The following BBS2 variants were observed in gnomAD, a reference collection of about 807,000 sequenced individuals.
BBS2 encodes the protein Bardet-Biedl syndrome 2.
BBS2 carries 62 observed loss-of-function variants against 83.0 expected under a neutral mutation model. The ratio of observed to expected loss-of-function variants is 0.75; its 90% CI spans 0.61 to 0.92. The LOEUF is 0.92. Ranked by LOEUF, BBS2 falls within the 40% of genes least tolerant of loss-of-function variation. The pLI is 0.00. For missense variants in BBS2, 784 were observed against 901.0 expected, an observed-to-expected ratio of 0.87 and a Z score of 1.66; for synonymous variants, 303 against 326.1, an observed-to-expected ratio of 0.93 and a Z score of 0.76.
chr16:56,482,493 T>C (rs796442270), downstream of BBS2, among the ~76,000 whole-genome samples: 30 of 152,280 alleles, frequency 2.0e-4, 1 homozygote, highest in African/African-American at 6.7e-4. Context: ...ACTTTGGAGA[T>C]TGAAAATAAT....
intron 1 of BBS2, 61 bp downstream of exon 1, chr16:56,519,685 C>T: frequency 7.2e-7 from 1 of 1,392,516 alleles, no homozygotes; most frequent in Non-Finnish European, 1.0e-6. Flanking sequence ...CCCAGGGGCG[C>T]GGCCGGCGGA....
intron 11 of BBS2, 128 bp from the exon 12 acceptor site, chr16:56,500,035 C>T: frequency 1.8e-6 from 2 of 1,111,852 alleles, no homozygotes; most frequent in Non-Finnish European, 1.4e-6. Context: ...TAAGAAGGAA[C>T]CCCCAAAACA....
At chr16:56,503,750 T>G (rs1228410808) in intron 7 of BBS2, among the ~76,000 whole-genome samples, 1 of 152,186 alleles carries the variant, frequency 6.6e-6, no homozygotes, top group African/African-American at 2.4e-5. Context: ...AAACCCTGTC[T>G]GTACTAAAAA....
At position 56,502,490 on chromosome 16, in the gene BBS2, G is replaced by A. The variant is rs138535876; in HGVS notation, c.941-34C>T. 2.5e-6 allele frequency: 4 copies of A among 1,613,938 alleles called. No homozygotes were observed. In the African/African-American group the frequency reaches 4.0e-5, roughly 16 times the overall value. ...AAGGAAAAAACCGCAAGTATAACCAGGTATACTTTTAGGTCATCAATTACC... is the reference window on the plus strand; with the variant it reads ...AAGGAAAAAACCGCAAGTATAACCAAGTATACTTTTAGGTCATCAATTACC... On this transcript the variant is annotated intron_variant, in intron 8 of 16. Coordinates refer to ENST00000245157, the MANE Select transcript of BBS2 (RefSeq NM_031885.5).
intron 17 of BBS2, among the ~76,000 whole-genome samples, chr16:56,471,406 G>A (rs1433365172): frequency 2.0e-5 from 3 of 151,718 alleles, no homozygotes; most frequent in African/African-American, 4.8e-5. Context: ...CCTCTTAGGC[G>A]AATAGATGAT....
At position 56,515,824 on chromosome 16, in the gene BBS2, C is replaced by G. The variant is rs571479718; in HGVS notation, c.118-1144G>C. Among the ~76,000 whole-genome samples the G allele has an allele frequency of 3.3e-5, 5 of 152,310 alleles. No individual in the cohort carries two copies. The East Asian group carries it at 9.6e-4, about 29-fold the overall frequency. ...TAATTGCATTTGAACCTGACACCAA[C>G]CCTTCATTTCCATATGAGGTCGGAA... is the stretch of plus-strand genomic sequence containing the variant. On this transcript the variant is annotated intron_variant, in intron 1 of 16. Coordinates refer to ENST00000245157, the MANE Select transcript of BBS2 (RefSeq NM_031885.5).
chr16:56,498,516 T>C lies in BBS2; in HGVS notation c.1580A>G (p.Gln527Arg), dbSNP rs1406099162. ...NFLLPEDTHI[Q>R]NAPFQVCFTS... is the part of the protein sequence containing the mutation. ...GAAACACACTTGAAATGGAGCATTC[T>C]GAATGTGAGTGTCTTCTGGTAACAG... Residue 527 changes from glutamine to arginine, a missense_variant, in exon 13 of 17, where the codon CAG (glutamine) becomes CGG (arginine). By Grantham distance (43) the Gln-to-Arg change is conservative. Coordinates refer to ENST00000245157, the MANE Select transcript of BBS2 (RefSeq NM_031885.5). The C allele has an allele frequency of 6.2e-7, 1 of 1,614,146 alleles. No individual in the cohort carries two copies. Among genetic ancestry groups the C allele is most frequent in the Non-Finnish European group, 8.5e-7 (1 of 1,180,016 alleles).
chr16:56,501,293 AAAG>A, intron 10 of BBS2, 57 bp downstream of exon 10: 4 of 1,605,638 alleles, frequency 2.5e-6, no homozygotes, highest in Non-Finnish European at 2.6e-6. Flanking sequence ...AAAAAAAAAA[AAAG>A]AATGACTCCA....
intron 11 of BBS2, 171 bp from the exon 12 acceptor site, chr16:56,500,078 G>A: frequency 1.4e-6 from 1 of 695,146 alleles, no homozygotes; most frequent in Non-Finnish European, 2.4e-6. Context: ...TAATATATTA[G>A]GTTTGGGATT....
In BBS2 at chr16:56,498,452, TA is replaced by T; in HGVS notation, c.1643del (p.Ile548LysfsTer9). On this transcript the variant is annotated frameshift_variant, in exon 13 of 17. Transcript: ENST00000245157. LOFTEE classifies it high-confidence loss of function. Reference protein sequence around the residue: ...LRNGGHLHIKIKLSGEITINT... With the variant: ...LRNGGHLHIKXKLSGEITINT... ...TAAACATTACCTCTCCACTAAGTTT[TA>T]TTTTTATATGCAGGTGGCCGCCATT... is the stretch of plus-strand genomic sequence containing the variant. The T allele has an allele frequency of 6.2e-7, 1 of 1,614,052 alleles. No homozygotes were observed. The highest frequency in any genetic ancestry group is 8.5e-7 in the Non-Finnish European group (1 of 1,179,996).
chr16:56,504,040 G>A (rs549936830), intron 7 of BBS2, among the ~76,000 whole-genome samples: 2 of 152,050 alleles, frequency 1.3e-5, no homozygotes, highest in Non-Finnish European at 2.9e-5. Context: ...CACTAGTTTT[G>A]TCTTTTCATA....
intron 17 of BBS2, chr16:56,476,775 T>G (rs1466950360): frequency 6.6e-6 from 1 of 152,328 alleles, no homozygotes; most frequent in African/African-American, 2.4e-5. Flanking sequence ...CTGGTTTCAC[T>G]TAGCATAAAG....
intron 6 of BBS2, 42 bp from the exon 7 acceptor site, chr16:56,506,078 A>T: frequency 4.3e-6 from 7 of 1,609,900 alleles, no homozygotes; most frequent in Non-Finnish European, 6.0e-6. Flanking sequence ...GTCTCACAAT[A>T]ACTATCAAGC....
intron 17 of BBS2, chr16:56,476,052 A>G: frequency 3.1e-6 from 5 of 1,610,762 alleles, no homozygotes; most frequent in Non-Finnish European, 4.2e-6. Context: ...AGCTGCTAAC[A>G]GTGAATCCAG....
At chr16:56,506,691 T>C (rs1223543179) in intron 5 of BBS2, among the ~76,000 whole-genome samples, 1 of 152,216 alleles carries the variant, frequency 6.6e-6, no homozygotes, top group Non-Finnish European at 1.5e-5. Flanking sequence ...GTATACACTT[T>C]TCTTTCTATG....
downstream of BBS2, among the ~76,000 whole-genome samples, chr16:56,479,806 C>T (rs1294668215): frequency 1.3e-5 from 2 of 152,258 alleles, no homozygotes; most frequent in Admixed American, 6.5e-5. Context: ...GATGGATCTT[C>T]CTTCAGCTCC....
At chr16:56,470,855 A>AT (rs774840763) in intron 17 of BBS2, 34 of 1,430,784 alleles carry the variant, frequency 2.4e-5, no homozygotes, top group Non-Finnish European at 2.9e-5. Context: ...ACATGTATTC[A>AT]TTCAACAAAC....
At chr16:56,506,084 C>G in intron 6 of BBS2, 36 bp downstream of exon 6, 2 of 1,609,270 alleles carry the variant, frequency 1.2e-6, no homozygotes, top group Non-Finnish European at 1.7e-6. Context: ...CAATAACTAT[C>G]AAGCGCCTGA....
intron 11 of BBS2, 150 bp from the exon 12 acceptor site, chr16:56,500,057 A>AAGTACTACAGTATTTTATTAGGTTCTAC: frequency 1.2e-6 from 1 of 832,790 alleles, no homozygotes; most frequent in South Asian, 1.4e-5. Flanking sequence ...TTGAGGGTTA[A>AAGTACTACAGTATTTTATTAGGTTCTAC]AGTACTACAG....
Sources: gnomAD v4.1 joint callset for allele counts (sites outside exome capture counted in the v4.1 genomes callset) on GRCh38, gnomAD v4.1.1 for gene constraint, MANE v1.5 for transcripts, NCBI Gene and HGNC (gene_info 2026-07-23, HGNC 2026-07-21) for gene names.